The following AR variants were observed in gnomAD, a reference collection of about 807,000 sequenced individuals.
The protein encoded by AR is dihydrotestosterone receptor.
A neutral mutation model predicts 53.9 loss-of-function variants in AR; 8 were observed. The ratio of observed to expected loss-of-function variants is 0.15; its 90% CI spans 0.09 to 0.27. The LOEUF is 0.27. Among genes scored for constraint, AR ranks in the 10% least tolerant of loss-of-function variants. The probability of loss-of-function intolerance (pLI) is 1.00; values close to 1 mark genes in which losing one functional copy is unlikely to be tolerated. For synonymous variants in AR, 359 were observed against 316.4 expected (o/e 1.13, Z -1.43); for missense variants, 639 against 742.5 (o/e 0.86, Z 1.62).
chrX:67,660,511 A>T (rs1160072260), intron 2 of AR, among the ~76,000 whole-genome samples: 1 of 111,675 alleles, frequency 9.0e-6, no homozygotes, highest in African/African-American at 3.3e-5. Context: ...TTTGTCAAAG[A>T]TCAGATGGTT....
intron 1 of AR, among the ~76,000 whole-genome samples, chrX:67,600,766 T>TG (rs1266767743): frequency 1.8e-5 from 2 of 111,551 alleles, no homozygotes; most frequent in African/African-American, 6.5e-5. Flanking sequence ...CTCTATAATG[T>TG]GATTAGTACA....
At chrX:67,592,288 C>T (rs1922866804) in intron 1 of AR, among the ~76,000 whole-genome samples, 1 of 112,090 alleles carries the variant, frequency 8.9e-6, no homozygotes, top group Non-Finnish European at 1.9e-5. Flanking sequence ...CTACAGATCT[C>T]TCACATGCTA....
Position 67,544,972 on chromosome X carries a change from C to CT in AR, c.-174dup. ...TCTTCTTCTGCACGAGACTTTGAGG[C>CT]TGTCAGAGCGCTTTTTGCGTGGTTG... On this transcript the variant is annotated 5_prime_UTR_variant, in exon 1 of 8. Coordinates refer to ENST00000374690, the MANE Select transcript of AR (RefSeq NM_000044.6). The CT allele has an allele frequency of 3.2e-6, 2 of 622,701 alleles. No individual in the cohort carries two copies. Among genetic ancestry groups the CT allele is most frequent in the Non-Finnish European group, 4.7e-6 (2 of 421,730 alleles). 51.3% of individuals were successfully genotyped at this position (622,701 alleles called of 1,213,427 possible).
intron 3 of AR, among the ~76,000 whole-genome samples, chrX:67,693,858 T>G (rs1214403237): frequency 1.8e-5 from 2 of 112,338 alleles, no homozygotes; most frequent in African/African-American, 6.5e-5. Context: ...TATTTTCCCT[T>G]GCTTAATACC....
At chrX:67,629,252 G>T (rs1235657422) in intron 1 of AR, among the ~76,000 whole-genome samples, 2 of 107,604 alleles carry the variant, frequency 1.9e-5, no homozygotes, top group African/African-American at 6.7e-5. Flanking sequence ...ATTCGGCTGT[G>T]AATCCATCTG....
chrX:67,626,477 G>A (rs1924648264), intron 1 of AR, among the ~76,000 whole-genome samples: 1 of 72,594 alleles, frequency 1.4e-5, no homozygotes, highest in Non-Finnish European at 2.4e-5. Context: ...GAGTCTGGCT[G>A]TCTCCCAGGC....
intron 1 of AR, among the ~76,000 whole-genome samples, chrX:67,614,378 TTAAAAA>T (rs1924016277): frequency 8.9e-6 from 1 of 111,748 alleles, no homozygotes; most frequent in Admixed American, 9.5e-5. Context: ...TCAACAAAAA[TTAAAAA>T]TAAAAAAATC....
intron 1 of AR, among the ~76,000 whole-genome samples, chrX:67,598,808 A>G (rs921512352): frequency 4.5e-5 from 5 of 110,284 alleles, no homozygotes; most frequent in Non-Finnish European, 9.5e-5. Context: ...TCTCAGGGAA[A>G]GGTTTGAGGC....
At chrX:67,626,552 T>A (rs1217092542) in intron 1 of AR, among the ~76,000 whole-genome samples, 1 of 95,095 alleles carries the variant, frequency 1.1e-5, no homozygotes, top group Non-Finnish European at 2.0e-5. Flanking sequence ...GCCATTCTCC[T>A]GCCTCAGCCT....
At chrX:67,568,741 G>A in intron 1 of AR, 1 of 802,257 alleles carries the variant, frequency 1.2e-6, no homozygotes, top group Non-Finnish European at 1.7e-6. Context: ...GGGTATGTTA[G>A]TTTGCTTATC....
intron 2 of AR, 53 bp from the exon 3 acceptor site, chrX:67,685,957 A>G: frequency 1.7e-6 from 2 of 1,206,422 alleles, no homozygotes; most frequent in Non-Finnish European, 2.2e-6. Context: ...CCGAAGAAAG[A>G]GACTCTGGAA....
chrX:67,550,916 A>G (rs1486525696), intron 1 of AR, among the ~76,000 whole-genome samples: 1 of 108,815 alleles, frequency 9.2e-6, no homozygotes, highest in Non-Finnish European at 1.9e-5. Flanking sequence ...TTTAAAAAAA[A>G]TCTGTAGAGT....
intron 3 of AR, among the ~76,000 whole-genome samples, chrX:67,699,772 C>A (rs1050902958): frequency 9.0e-6 from 1 of 110,810 alleles, no homozygotes; most frequent in African/African-American, 3.3e-5. Flanking sequence ...ACATCCTTGA[C>A]CTTAGGTAAA....
chrX:67,631,336 T>A lies in AR; in HGVS notation c.1617-11920T>A, dbSNP rs1260473056. On this transcript the variant is annotated intron_variant, in intron 1 of 7. Coordinates refer to ENST00000374690, the MANE Select transcript of AR (RefSeq NM_000044.6). Reference sequence around the variant, plus strand: ...CCATATTTCTTGGAGGCTTTGCTCGTTTCTTTTTATTCTTTTTTCTCTAAA... The same window carrying A: ...CCATATTTCTTGGAGGCTTTGCTCGATTCTTTTTATTCTTTTTTCTCTAAA... 3.6e-5 allele frequency among the ~76,000 whole-genome samples: 4 copies of A among 111,348 alleles called. No individual in the cohort carries two copies. In the South Asian group the frequency reaches 1.1e-3, roughly 31 times the overall value.
chrX:67,589,998 C>T (rs1187185755), intron 1 of AR, among the ~76,000 whole-genome samples: 3 of 111,902 alleles, frequency 2.7e-5, no homozygotes, highest in Non-Finnish European at 5.6e-5. Flanking sequence ...TCTTTTGCCT[C>T]CCCTTACAGT....
intron 1 of AR, among the ~76,000 whole-genome samples, chrX:67,565,816 C>G (rs1921533401): frequency 9.0e-6 from 1 of 111,469 alleles, no homozygotes; most frequent in Non-Finnish European, 1.9e-5. Context: ...CCTCAACCTC[C>G]TGAGTAGCTG....
chrX:67,606,172 A>G (rs908013059), intron 1 of AR, among the ~76,000 whole-genome samples: 1 of 111,016 alleles, frequency 9.0e-6, no homozygotes, highest in African/African-American at 3.3e-5. Flanking sequence ...GAAGAAAAGC[A>G]CCCCAGACAG....
Position 67,544,899 on chromosome X carries a change from T to C in AR, c.-248T>C, listed in dbSNP as rs751555907. The C allele has an allele frequency of 4.3e-5, 15 of 348,919 alleles. No homozygotes were observed. In the Middle Eastern group the frequency reaches 2.4e-3, roughly 55 times the overall value. 28.8% of individuals were successfully genotyped at this position (348,919 alleles called of 1,213,427 possible). On this transcript the variant is annotated 5_prime_UTR_variant, in exon 1 of 8. Transcript: ENST00000374690. ...TCTTTTGAATCTACCCTTCAAGTATTAAGAGACAGACTGTGAGCCTAGCAG... is the reference window on the plus strand; with the variant it reads ...TCTTTTGAATCTACCCTTCAAGTATCAAGAGACAGACTGTGAGCCTAGCAG...
intron 1 of AR, among the ~76,000 whole-genome samples, chrX:67,550,656 TA>T (rs757091151): frequency 0.37 from 33,412 of 90,917 alleles, 8,075 homozygotes; most frequent in African/African-American, 0.84. Context: ...CTCTGAAAAA[TA>T]AAAAAAAAAA....
Sources: gnomAD v4.1 joint callset for allele counts (sites outside exome capture counted in the v4.1 genomes callset) on GRCh38, gnomAD v4.1.1 for gene constraint, MANE v1.5 for transcripts, NCBI Gene and HGNC (gene_info 2026-07-23, HGNC 2026-07-21) for gene names.